Variants in CTRC observed in about 807,000 individuals in gnomAD.
CTRC encodes chymotrypsin-C.
Under a neutral mutation model 35.7 loss-of-function variants are expected in CTRC, and 32 were observed. The observed-to-expected ratio is 0.90, with a 90% CI of 0.68 to 1.20. The LOEUF (loss-of-function observed/expected upper bound fraction) is 1.20, where lower values mean the gene tolerates loss of function less well. CTRC is among the 50% of genes most tolerant of loss of function. The pLI is 0.00. For synonymous variants in CTRC, 119 were observed against 149.5 expected (o/e 0.80, Z 1.49); for missense variants, 324 against 361.5 (o/e 0.90, Z 0.84).
Position 15,440,730 on chromosome 1 carries a change from TAGTC to T in CTRC, c.230+146_230+149del, listed in dbSNP as rs1406560821. ...ACACCCAGTAACTCAGTTGTGCATT[TAGTC>T]AGTCAAGTATTCATTGTGCATCTAT... On this transcript the variant is annotated intron_variant, in intron 3 of 7. Transcript: ENST00000375949. The T allele has an allele frequency of 1.8e-5, 14 of 760,462 alleles. 1 individual carries two copies. Among genetic ancestry groups the T allele is most frequent in the African/African-American group, 1.5e-4 (9 of 58,156 alleles). 47.1% of individuals were successfully genotyped at this position (760,462 alleles called of 1,614,324 possible).
At chr1:15,439,267 A>G (rs1708086361) in intron 1 of CTRC, among the ~76,000 whole-genome samples, 1 of 151,960 alleles carries the variant, frequency 6.6e-6, no homozygotes, top group Non-Finnish European at 1.5e-5. Context: ...TTCTACTAAA[A>G]ATACAAAAAT....
chr1:15,439,644 T>C (rs1165377552), intron 1 of CTRC, among the ~76,000 whole-genome samples: 1 of 152,168 alleles, frequency 6.6e-6, no homozygotes. Context: ...GTGGATTTAC[T>C]GCTCTCTCAC....
intron 7 of CTRC, 36 bp downstream of exon 7, chr1:15,445,785 C>G: frequency 6.2e-7 from 1 of 1,612,730 alleles, no homozygotes; most frequent in Non-Finnish European, 8.5e-7. Flanking sequence ...CTGCACCTGT[C>G]AGCCCCTCCC....
chr1:15,442,692 G>A (rs1024510798), intron 4 of CTRC, 120 bp downstream of exon 4: 81 of 1,405,806 alleles, frequency 5.8e-5, no homozygotes, highest in Non-Finnish European at 7.7e-5. Flanking sequence ...ACCCTGGAAA[G>A]CCAGCAAATG....
rs199740500 is a variant in CTRC at position 15,446,530 on chromosome 1, G to T, written c.793-45G>T. The T allele has an allele frequency of 7.7e-4, 1,236 of 1,611,516 alleles. 7 individuals are homozygous for T. The African/African-American group carries it at 8.5e-3, about 11-fold the overall frequency. On this transcript the variant is annotated intron_variant, in intron 7 of 7. Transcript: ENST00000375949. Reference sequence around the variant, plus strand: ...GGCAGAGCCCTGTGCCACCCTAGAAGGTGGCACAGCCCTGAGTCTCTCACA... The same window carrying T: ...GGCAGAGCCCTGTGCCACCCTAGAATGTGGCACAGCCCTGAGTCTCTCACA...
At chr1:15,439,458 G>A (rs1362197265) in intron 1 of CTRC, among the ~76,000 whole-genome samples, 4 of 151,842 alleles carry the variant, frequency 2.6e-5, no homozygotes, top group Admixed American at 6.6e-5. Context: ...AAGAAAAAGA[G>A]GTAGGGTCTT....
rs1708252902 is a variant in CTRC, at chr1:15,448,492, C to T, written c.*1903C>T. 6.6e-6 allele frequency: 1 copy of T among 151,756 alleles called. No homozygotes were observed. Among genetic ancestry groups the T allele is most frequent in the Non-Finnish European group, 1.5e-5 (1 of 68,030 alleles). The allele number at this position is 151,756 out of a possible 1,614,324, so 9.4% of individuals were successfully genotyped here. A position where few individuals can be genotyped will look rare whatever the true frequency, so the allele number is the denominator to read the frequency against. On this transcript the variant is annotated 3_prime_UTR_variant, in exon 8 of 8. Coordinates refer to ENST00000375949, the MANE Select transcript of CTRC (RefSeq NM_007272.3). ...TAGCTGGGACTACAGGCGCCAGCCA[C>T]CATGCCTGGCTAATTTTTTTTTTTT...
At position 15,446,654 on chromosome 1, in the gene CTRC, ACCTGGAT is replaced by A; in HGVS notation, c.*69_*75del. On this transcript the variant is annotated 3_prime_UTR_variant, in exon 8 of 8. Coordinates refer to ENST00000375949, the MANE Select transcript of CTRC (RefSeq NM_007272.3). ...CAATAAACTTCCTTCTCCTCGGGCC[ACCTGGAT>A]CCTTGATTTGTGCAGCTTCTGTTGC... 6.3e-7 allele frequency: 1 copy of A among 1,577,798 alleles called. No homozygotes were observed. The highest frequency in any genetic ancestry group is 8.7e-7 in the Non-Finnish European group (1 of 1,146,826).
At chr1:15,439,150 G>C (rs1049799608) in intron 1 of CTRC, among the ~76,000 whole-genome samples, 17 of 152,042 alleles carry the variant, frequency 1.1e-4, no homozygotes, top group African/African-American at 4.1e-4. Flanking sequence ...CTATTGCCAG[G>C]CATGGTGGCT....
At position 15,442,515 on chromosome 1, in the gene CTRC, T is replaced by C. The variant is rs1449646347; in HGVS notation, c.299T>C (p.Leu100Pro). 2 of 1,614,016 alleles carry C rather than the reference T, an allele frequency of 1.2e-6. No individual in the cohort carries two copies. Among genetic ancestry groups the C allele is most frequent in the African/African-American group, 2.7e-5 (2 of 74,906 alleles). The change falls in exon 4 of 8, where the codon CTG becomes CCG. Residue 100 changes from leucine to proline, a missense_variant. Physicochemically the swap from Leu to Pro is moderately conservative, Grantham distance 98 (BLOSUM62 -3). Coordinates refer to ENST00000375949, the MANE Select transcript of CTRC (RefSeq NM_007272.3). ...GAGGTGGAAGACGAAGAAGGATCCC[T>C]GTTTGTGGGTGTGGACACCATCCAC... The part of the protein sequence containing the change: ...NLEVEDEEGS[L>P]FVGVDTIHVH...
At chr1:15,440,240 C>T (rs933066691) in intron 1 of CTRC, 60 bp from the exon 2 acceptor site, 1 of 852,062 alleles carries the variant, frequency 1.2e-6, no homozygotes, top group Admixed American at 2.0e-5. Context: ...ACCCTCCCAC[C>T]CCTTTCCCCG....
chr1:15,441,703 T>C (rs569657305), intron 3 of CTRC, among the ~76,000 whole-genome samples: 188 of 151,832 alleles, frequency 1.2e-3, no homozygotes, highest in Non-Finnish European at 1.9e-3. Flanking sequence ...ACTTTTTTTT[T>C]TTTTGGTAGA....
At chr1:15,446,503 C>A in intron 7 of CTRC, 72 bp from the exon 8 acceptor site, 1 of 1,530,290 alleles carries the variant, frequency 6.5e-7, no homozygotes, top group Non-Finnish European at 9.1e-7. Flanking sequence ...ACCCACCCTC[C>A]GGGCAGAGCC....
chr1:15,445,985 T>C (rs1168663312), intron 7 of CTRC, among the ~76,000 whole-genome samples: 1 of 144,258 alleles, frequency 6.9e-6, no homozygotes, highest in African/African-American at 2.7e-5. Context: ...TATTCACTTA[T>C]TCATTCACTC....
intron 5 of CTRC, among the ~76,000 whole-genome samples, chr1:15,443,983 C>T (rs1487000259): frequency 1.3e-5 from 2 of 152,024 alleles, no homozygotes; most frequent in African/African-American, 2.4e-5. Context: ...TCAGCTGTGG[C>T]GGCTCACACC....
At position 15,440,528 on chromosome 1, in the gene CTRC, G is replaced by A. The variant is rs758406950; in HGVS notation, c.168G>A (p.Arg56=). Residue 56 remains arginine (R), a synonymous_variant, in exon 3 of 8, where the codon AGG becomes AGA. Transcript: ENST00000375949. The part of the protein sequence containing the change: ...SLQYLKNDTW[R]HTCGGTLIAS... Reference sequence around the variant, plus strand: ...AGTACCTCAAGAACGACACGTGGAGGCATACGTGTGGCGGGACTTTGATTG... The same window carrying A: ...AGTACCTCAAGAACGACACGTGGAGACATACGTGTGGCGGGACTTTGATTG... 3 of 1,614,074 alleles carry A rather than the reference G, an allele frequency of 1.9e-6. No homozygotes were observed. The highest frequency in any genetic ancestry group is 1.7e-6 in the Non-Finnish European group (2 of 1,180,038).
At chr1:15,445,895 C>A (rs1708211984) in intron 7 of CTRC, 146 bp downstream of exon 7, 1 of 960,718 alleles carries the variant, frequency 1.0e-6, no homozygotes, top group Non-Finnish European at 1.6e-6. Flanking sequence ...TTCATGCATT[C>A]ATTCATTTAT....
rs1373571881 is a variant in CTRC, at chr1:15,443,448, A to C, written c.386A>C (p.Glu129Ala). Residue 129 changes from glutamate to alanine, a missense_variant, in exon 5 of 8, where the codon GAG becomes GCG. Glu to Ala is a moderately radical substitution (Grantham distance 107). Coordinates refer to ENST00000375949, the MANE Select transcript of CTRC (RefSeq NM_007272.3). ...GATATTGCCCTCATCAAGCTTGCAGAGCATGTGGAGCTGAGTGACACCATC... is the reference window on the plus strand; with the variant it reads ...GATATTGCCCTCATCAAGCTTGCAGCGCATGTGGAGCTGAGTGACACCATC... ...RNDIALIKLA[E>A]HVELSDTIQV... 1.2e-6 allele frequency: 2 copies of C among 1,614,086 alleles called. No individual in the cohort carries two copies. The highest frequency in any genetic ancestry group is 4.5e-5 in the East Asian group (2 of 44,884).
intron 7 of CTRC, 112 bp from the exon 8 acceptor site, chr1:15,446,463 G>A (rs1017659174): frequency 1.9e-6 from 2 of 1,066,928 alleles, no homozygotes; most frequent in Non-Finnish European, 2.9e-6. Flanking sequence ...GGCATGTGAA[G>A]GCCGGGGGCT....
Sources: gnomAD v4.1 joint callset for allele counts (sites outside exome capture counted in the v4.1 genomes callset) on GRCh38, gnomAD v4.1.1 for gene constraint, MANE v1.5 for transcripts, NCBI Gene and HGNC (gene_info 2026-07-23, HGNC 2026-07-21) for gene names.